Variants in ACAD10 observed in about 807,000 individuals in gnomAD.
ACAD10 encodes the protein acyl-CoA dehydrogenase family member 10.
ACAD10 carries 112 observed loss-of-function variants against 116.8 expected under a neutral mutation model. That is an observed-to-expected ratio of 0.96 (90% CI 0.82 to 1.12). ACAD10 has a LOEUF of 1.12. Among genes scored for constraint, ACAD10 ranks in the 50% most tolerant of loss-of-function variants. The probability of loss-of-function intolerance (pLI) is 0.00; values close to 1 mark genes in which losing one functional copy is unlikely to be tolerated. For missense variants in ACAD10, 1,259 were observed against 1,350.2 expected (o/e 0.93, Z 1.06); for synonymous variants, 486 against 510.6 (o/e 0.95, Z 0.65).
intron 3 of ACAD10, among the ~76,000 whole-genome samples, chr12:111,703,667 A>G (rs947059567): frequency 2.6e-5 from 4 of 151,932 alleles, no homozygotes; most frequent in African/African-American, 9.7e-5. Context: ...GTGAAACCCC[A>G]TCTCTACTAA....
intron 8 of ACAD10, among the ~76,000 whole-genome samples, chr12:111,725,507 C>A (rs1199842849): frequency 6.6e-6 from 1 of 151,782 alleles, no homozygotes; most frequent in Non-Finnish European, 1.5e-5. Context: ...GAGTGAGACC[C>A]TGTCTTTTTT....
Position 111,709,686 on chromosome 12 carries a change from T to G in ACAD10, c.690+2T>G. 6.2e-7 allele frequency: 1 copy of G among 1,603,090 alleles called. No individual in the cohort carries two copies. Among genetic ancestry groups the G allele is most frequent in the Non-Finnish European group, 8.5e-7 (1 of 1,176,292 alleles). ...AGACTTGGTATTCACACCATTAAGG[T>G]AATAGTCACTAATTTTTGAACTCCC... is the stretch of plus-strand genomic sequence containing the variant. On this transcript the variant is annotated splice_donor_variant, in intron 5 of 20. Transcript: ENST00000313698. LOFTEE classifies it high-confidence loss of function.
Position 111,701,616 on chromosome 12 carries a change from G to C in ACAD10, c.188-546G>C, listed in dbSNP as rs149178839. Among the ~76,000 whole-genome samples, 134 of 152,306 alleles carry C rather than the reference G, an allele frequency of 8.8e-4. 1 individual carries two copies. In the East Asian group the frequency reaches 0.024, roughly 27 times the overall value. On this transcript the variant is annotated intron_variant, in intron 2 of 20. Transcript: ENST00000313698. ...TGAGGTGGAGGTTGCAATGAGCTGA[G>C]ATTGTACCACTGCACTCTAGCCTGG...
chr12:111,746,214 G>T lies in ACAD10; in HGVS notation c.2186G>T (p.Gly729Val). ...PLEADPEKKY[G>V]AGLTNVEYAH... ...GAGGCTGATCCCGAGAAAAAATACG[G>T]AGCAGGACTGACCAATGTGGAATAT... Residue 729 changes from glycine (G) to valine (V), a missense_variant, in exon 14 of 21, where the codon GGA (glycine) becomes GTA (valine). Gly to Val is a moderately radical substitution (Grantham distance 109). Transcript: ENST00000313698. 6.2e-7 allele frequency: 1 copy of T among 1,613,892 alleles called. No individual in the cohort carries two copies. The highest frequency in any genetic ancestry group is 8.5e-7 in the Non-Finnish European group (1 of 1,179,998).
intron 2 of ACAD10, among the ~76,000 whole-genome samples, chr12:111,700,871 A>T (rs1593017901): frequency 6.8e-6 from 1 of 147,514 alleles, no homozygotes. Flanking sequence ...CGATCCTTCC[A>T]CCTCAGTTTC....
In ACAD10 at chr12:111,742,625, T is replaced by G. The variant is rs77607303; in HGVS notation, c.1715-2018T>G. On this transcript the variant is annotated intron_variant, in intron 12 of 20. Transcript: ENST00000313698. ...CTGTAATCCCAGCAGTTTGGTAGAC[T>G]GAGACAGGAGGATTGTTTGAGGCCA... Among the ~76,000 whole-genome samples, 1,831 of 152,284 alleles carry G rather than the reference T, an allele frequency of 0.012. 126 individuals carry two copies. In the South Asian group the frequency reaches 0.17, roughly 14 times the overall value.
chr12:111,747,544 G>A, intron 16 of ACAD10, 159 bp downstream of exon 16: 1 of 1,463,208 alleles, frequency 6.8e-7, no homozygotes, highest in Non-Finnish European at 9.0e-7. Context: ...AGAATAGGAG[G>A]GTAATCCGTG....
chr12:111,703,664 C>T (rs1190842790), intron 3 of ACAD10, among the ~76,000 whole-genome samples: 1 of 151,878 alleles, frequency 6.6e-6, no homozygotes, highest in Non-Finnish European at 1.5e-5. Context: ...ATGGTGAAAC[C>T]CCATCTCTAC....
At chr12:111,726,104 A>AT (rs1365996906) in intron 8 of ACAD10, among the ~76,000 whole-genome samples, 1 of 152,002 alleles carries the variant, frequency 6.6e-6, no homozygotes, top group Non-Finnish European at 1.5e-5. Context: ...AAATACAGAA[A>AT]TTAGCTGGGC....
In ACAD10 at chr12:111,733,961, T is replaced by G. The variant is rs1198490294; in HGVS notation, c.1433T>G (p.Val478Gly). The G allele has an allele frequency of 6.8e-6, 11 of 1,614,026 alleles. No homozygotes were observed. The highest frequency in any genetic ancestry group is 1.3e-5 in the African/African-American group (1 of 74,924). Reference sequence around the variant, plus strand: ...GTGTTTCATCCAGAAGAGCCAGAGGTGCTTGCTGTCCTTGACTGGGAACTT... The same window carrying G: ...GTGTTTCATCCAGAAGAGCCAGAGGGGCTTGCTGTCCTTGACTGGGAACTT... Reference protein sequence around the residue: ...NLVFHPEEPEVLAVLDWELST... With the variant: ...NLVFHPEEPEGLAVLDWELST... Residue 478 changes from valine (V) to glycine (G), a missense_variant, in exon 11 of 21, where the codon GTG (valine) becomes GGG (glycine). By Grantham distance (109) the Val-to-Gly change is moderately radical (BLOSUM62 -3). Coordinates refer to ENST00000313698, the MANE Select transcript of ACAD10 (RefSeq NM_025247.6).
chr12:111,749,190 C>T lies in ACAD10; in HGVS notation c.2662C>T (p.Arg888Ter), dbSNP rs766073871. Residue 888 changes from arginine (R) to a stop codon, truncating the protein, a stop_gained, in exon 18 of 21, where the codon CGA becomes TGA. Coordinates refer to ENST00000313698, the MANE Select transcript of ACAD10 (RefSeq NM_025247.6). LOFTEE classifies it high-confidence loss of function. ...EDAPGGHGEVRFEHVRVPKEN... is the reference protein window; with the variant it reads ...EDAPGGHGEV ...TCTTTCAGGTGGCCATGGTGAAGTCCGATTTGAGCACGTGCGTGTGCCCAA... is the reference window on the plus strand; with the variant it reads ...TCTTTCAGGTGGCCATGGTGAAGTCTGATTTGAGCACGTGCGTGTGCCCAA... 51 of 1,613,016 alleles carry T rather than the reference C, an allele frequency of 3.2e-5. No individual in the cohort carries two copies. The South Asian group carries it at 4.6e-4, about 15-fold the overall frequency.
At chr12:111,689,176 G>A (rs1488476243) in intron 1 of ACAD10, among the ~76,000 whole-genome samples, 1 of 151,172 alleles carries the variant, frequency 6.6e-6, no homozygotes, top group Non-Finnish European at 1.5e-5. Context: ...GGTGACAGAG[G>A]GAGACTCCAT....
intron 1 of ACAD10, among the ~76,000 whole-genome samples, chr12:111,691,544 C>A (rs1338598182): frequency 2.0e-5 from 3 of 151,164 alleles, no homozygotes; most frequent in Non-Finnish European, 4.4e-5. Context: ...ATGTCCAGAT[C>A]ATCCCAGGTT....
At chr12:111,739,546 C>T (rs1889670235) in intron 12 of ACAD10, among the ~76,000 whole-genome samples, 3 of 152,176 alleles carry the variant, frequency 2.0e-5, no homozygotes, top group Admixed American at 2.0e-4. Context: ...CACCTGAGGT[C>T]AGGAGTTTGA....
chr12:111,733,815 G>C, intron 10 of ACAD10, 108 bp from the exon 11 acceptor site: 1 of 1,407,240 alleles, frequency 7.1e-7, no homozygotes, highest in Middle Eastern at 2.3e-4. Flanking sequence ...GGGCACAGAG[G>C]GGATGGGAGG....
chr12:111,736,937 C>T lies in ACAD10; in HGVS notation c.1647C>T (p.Phe549=). 1 of 1,614,094 alleles carries T rather than the reference C, an allele frequency of 6.2e-7. No homozygotes were observed. Among genetic ancestry groups the T allele is most frequent in the Non-Finnish European group, 8.5e-7 (1 of 1,180,002 alleles). Residue 549 remains phenylalanine (F), a synonymous_variant, in exon 12 of 21, where the codon TTC becomes TTT. Coordinates refer to ENST00000313698, the MANE Select transcript of ACAD10 (RefSeq NM_025247.6). ...TCCCTCCCACTGAGAACTGGAACTT[C>T]TATATGGCTTTTTCCTTTTTCCGTG... is the stretch of plus-strand genomic sequence containing the variant. ...MGLPPTENWN[F]YMAFSFFRVA...
chr12:111,723,025 C>A (rs1371415666), intron 8 of ACAD10, among the ~76,000 whole-genome samples: 1 of 147,756 alleles, frequency 6.8e-6, no homozygotes, highest in African/African-American at 2.5e-5. Context: ...CTGACCCCCC[C>A]CCACCTCCCT....
intron 8 of ACAD10, among the ~76,000 whole-genome samples, chr12:111,722,368 A>ATTATTTAT (rs1245952499): frequency 0.014 from 1,958 of 143,576 alleles, 41 homozygotes; most frequent in African/African-American, 0.051. Context: ...CCGGCCCTAA[A>ATTATTTAT]CTATTTATTT....
At position 111,745,006 on chromosome 12, in the gene ACAD10, C is replaced by T. The variant is rs767873253; in HGVS notation, c.2078C>T (p.Ala693Val). 2 of 1,613,886 alleles carry T rather than the reference C, an allele frequency of 1.2e-6. No individual in the cohort carries two copies. Among genetic ancestry groups the T allele is most frequent in the Admixed American group, 3.3e-5 (2 of 60,026 alleles). The change falls in exon 13 of 21, where the codon GCC becomes GTC. Residue 693 changes from alanine to valine, a missense_variant. Coordinates refer to ENST00000313698, the MANE Select transcript of ACAD10 (RefSeq NM_025247.6). ...CTGCAGAGTCACCAGGCCTCAGCAG[C>T]CAGGTGGAGCCCCTCCCCACTGATC... ...PELQSHQASAARWSPSPLIED... is the reference protein window; with the variant it reads ...PELQSHQASAVRWSPSPLIED...
Sources: allele counts gnomAD v4.1 joint callset (sites outside exome capture counted in the v4.1 genomes callset), GRCh38; gene constraint gnomAD v4.1.1; transcripts MANE v1.5; gene names NCBI Gene and HGNC (gene_info 2026-07-23, HGNC 2026-07-21).